The following UBE2L3 variants were observed in gnomAD, a reference collection of about 807,000 sequenced individuals.
The protein encoded by UBE2L3 is ubiquitin-conjugating enzyme E2 L3.
UBE2L3 carries 1 observed loss-of-function variant against 17.8 expected under a neutral mutation model. The ratio of observed to expected loss-of-function variants is 0.06; its 90% confidence interval spans 0.02 to 0.27. The LOEUF (loss-of-function observed/expected upper bound fraction) is 0.27, where lower values mean the gene tolerates loss of function less well. Ranked by LOEUF, UBE2L3 falls within the 10% of genes least tolerant of loss-of-function variation. The pLI, the probability that UBE2L3 is intolerant of heterozygous loss-of-function variation, is 1.00. For synonymous variants in UBE2L3, 44 were observed against 68.5 expected (o/e 0.64, Z 1.76); for missense variants, 40 against 192.6 (o/e 0.21, Z 4.69).
intron 1 of UBE2L3, among the ~76,000 whole-genome samples, chr22:21,569,175 C>T (rs1926819813): frequency 6.6e-6 from 1 of 151,846 alleles, no homozygotes; most frequent in Admixed American, 6.6e-5. Context: ...GCGGGCGGAT[C>T]ACTTGAGGTC....
chr22:21,562,826 C>G (rs1192514409), upstream of UBE2L3, among the ~76,000 whole-genome samples: 13 of 151,194 alleles, frequency 8.6e-5, no homozygotes, highest in African/African-American at 2.7e-4. Context: ...TTTTTCTGGA[C>G]CTGGGCCCAA....
chr22:21,618,831 A>T (rs577639791), intron 3 of UBE2L3, among the ~76,000 whole-genome samples: 2 of 152,150 alleles, frequency 1.3e-5, no homozygotes, highest in South Asian at 4.1e-4. Flanking sequence ...GCCTCAAGTG[A>T]TCCTTCCTCC....
upstream of UBE2L3, among the ~76,000 whole-genome samples, chr22:21,562,927 A>G (rs1020509822): frequency 4.7e-5 from 7 of 148,696 alleles, no homozygotes; most frequent in African/African-American, 1.5e-4. Context: ...GTAGTCCAGG[A>G]GAAGGAAGAA....
intron 1 of UBE2L3, among the ~76,000 whole-genome samples, chr22:21,561,770 G>C (rs1178516870): frequency 4.3e-4 from 65 of 151,944 alleles, no homozygotes; most frequent in African/African-American, 1.6e-3. Context: ...TGGGAAGCGA[G>C]GGATGTGGGA....
chr22:21,573,708 C>T (rs918981952), intron 1 of UBE2L3, among the ~76,000 whole-genome samples: 3 of 152,160 alleles, frequency 2.0e-5, no homozygotes, highest in Non-Finnish European at 4.4e-5. Flanking sequence ...GTGGGCAGTG[C>T]CTATGGGAAA....
chr22:21,620,901 G>A (rs535790505), intron 3 of UBE2L3, among the ~76,000 whole-genome samples: 1 of 152,296 alleles, frequency 6.6e-6, no homozygotes, highest in South Asian at 2.1e-4. Context: ...GGCTGATGCA[G>A]GGAAGTTCTA....
At chr22:21,577,073 A>G (rs1035917809) in intron 1 of UBE2L3, among the ~76,000 whole-genome samples, 2 of 150,714 alleles carry the variant, frequency 1.3e-5, no homozygotes, top group Non-Finnish European at 2.9e-5. Flanking sequence ...GGTTCACGCC[A>G]TTCTCCTGCT....
intron 1 of UBE2L3, among the ~76,000 whole-genome samples, chr22:21,569,008 C>G (rs977983451): frequency 6.6e-6 from 1 of 152,212 alleles, no homozygotes; most frequent in Non-Finnish European, 1.5e-5. Context: ...CACCACCATT[C>G]ACCAGATAAG....
intron 1 of UBE2L3, among the ~76,000 whole-genome samples, chr22:21,557,614 A>C (rs1212617978): frequency 6.6e-6 from 1 of 151,950 alleles, no homozygotes; most frequent in Non-Finnish European, 1.5e-5. Context: ...CCTCCGCCTC[A>C]CGGGTTTATG....
At chr22:21,619,502 C>T (rs944990191) in intron 3 of UBE2L3, among the ~76,000 whole-genome samples, 2 of 152,190 alleles carry the variant, frequency 1.3e-5, no homozygotes. Context: ...TGCCCCACTG[C>T]TTCACCTCTA....
At chr22:21,572,999 A>G (rs1419331039) in intron 1 of UBE2L3, among the ~76,000 whole-genome samples, 3 of 151,904 alleles carry the variant, frequency 2.0e-5, no homozygotes, top group Non-Finnish European at 2.9e-5. Flanking sequence ...TCCCACTCCC[A>G]ATGCCACTGC....
intron 3 of UBE2L3, among the ~76,000 whole-genome samples, chr22:21,620,161 C>T (rs1187448627): frequency 6.6e-6 from 1 of 152,008 alleles, no homozygotes; most frequent in East Asian, 1.9e-4. Context: ...GTGGCTAACA[C>T]CCGTAATCCC....
At chr22:21,562,108 T>C (rs2148392613) in intron 1 of UBE2L3, among the ~76,000 whole-genome samples, 1 of 151,700 alleles carries the variant, frequency 6.6e-6, no homozygotes, top group East Asian at 1.9e-4. Context: ...CATCAAACCC[T>C]CAACACCGTC....
chr22:21,559,811 G>C (rs1324295166), intron 1 of UBE2L3, among the ~76,000 whole-genome samples: 1 of 152,234 alleles, frequency 6.6e-6, no homozygotes, highest in East Asian at 1.9e-4. Context: ...GGGAGGACTG[G>C]AGCTCAGAGA....
intron 2 of UBE2L3, 54 bp downstream of exon 2, chr22:21,593,010 G>C: frequency 1.3e-6 from 2 of 1,514,912 alleles, no homozygotes; most frequent in Non-Finnish European, 1.8e-6. Flanking sequence ...GGTGATGTGT[G>C]TGCTGTTGGG....
At chr22:21,602,047 G>C (rs1928896569) in intron 2 of UBE2L3, among the ~76,000 whole-genome samples, 1 of 152,014 alleles carries the variant, frequency 6.6e-6, no homozygotes, top group Non-Finnish European at 1.5e-5. Context: ...TCTCTTAACA[G>C]GGGACTGGAC....
At chr22:21,609,854 C>T (rs1247692573) in intron 2 of UBE2L3, among the ~76,000 whole-genome samples, 2 of 151,974 alleles carry the variant, frequency 1.3e-5, no homozygotes, top group Non-Finnish European at 2.9e-5. Flanking sequence ...GGTGAAACCG[C>T]ATGTCTACTA....
At chr22:21,594,316 A>G (rs1928412102) in intron 2 of UBE2L3, among the ~76,000 whole-genome samples, 2 of 151,090 alleles carry the variant, frequency 1.3e-5, no homozygotes, top group African/African-American at 4.9e-5. Flanking sequence ...AGCATGGAGC[A>G]TGCTTCCTCC....
chr22:21,601,404 A>T (rs1928851945), intron 2 of UBE2L3, among the ~76,000 whole-genome samples: 1 of 151,220 alleles, frequency 6.6e-6, no homozygotes, highest in Non-Finnish European at 1.5e-5. Context: ...CCTCTGTTTC[A>T]TGGGTTCAAG....
Sources: gnomAD v4.1 joint callset for allele counts (sites outside exome capture counted in the v4.1 genomes callset) on GRCh38, gnomAD v4.1.1 for gene constraint, MANE v1.5 for transcripts, NCBI Gene and HGNC (gene_info 2026-07-23, HGNC 2026-07-21) for gene names.